MYOZ1: variants seen among roughly 807,000 people sequenced by gnomAD.
MYOZ1 encodes the protein myozenin 1, also known as myozenin-1.
Under a neutral mutation model 28.7 loss-of-function variants are expected in MYOZ1, and 20 were observed. The observed-to-expected ratio is 0.70, with a 90% CI of 0.49 to 1.01. The LOEUF (loss-of-function observed/expected upper bound fraction) is 1.01, where lower values mean the gene tolerates loss of function less well. Ranked by LOEUF, MYOZ1 falls within the 50% of genes least tolerant of loss-of-function variation. The pLI is 0.00. For synonymous variants in MYOZ1, 144 were observed against 145.8 expected (o/e 0.99, Z 0.09); for missense variants, 371 against 372.4 (o/e 1.00, Z 0.03).
Position 73,640,013 on chromosome 10 carries a change from G to T in MYOZ1, c.5C>A (p.Pro2Gln). Residue 2 changes from proline to glutamine, a missense_variant, in exon 2 of 6, where the codon CCG becomes CAG. By Grantham distance (76) the Pro-to-Gln change is moderately conservative. Transcript: ENST00000359322. M[P>Q]LSGTPAPNKK... Reference sequence around the variant, plus strand: ...ATTAGGGGCCGGGGTTCCTGAGAGCGGCATTGTGGAGGTGGATTCAGCCTG... The same window carrying T: ...ATTAGGGGCCGGGGTTCCTGAGAGCTGCATTGTGGAGGTGGATTCAGCCTG... 1.2e-6 allele frequency: 2 copies of T among 1,613,940 alleles called. No individual in the cohort carries two copies. Among genetic ancestry groups the T allele is most frequent in the Non-Finnish European group, 1.7e-6 (2 of 1,179,944 alleles).
intron 2 of MYOZ1, among the ~76,000 whole-genome samples, chr10:73,638,546 C>G (rs2081682598): frequency 6.6e-6 from 1 of 151,800 alleles, no homozygotes; most frequent in African/African-American, 2.4e-5. Flanking sequence ...GTTGGCCAGG[C>G]TGGTCGCAAA....
intron 2 of MYOZ1, among the ~76,000 whole-genome samples, chr10:73,639,066 C>T (rs1365662263): frequency 1.3e-5 from 2 of 151,010 alleles, no homozygotes. Flanking sequence ...CTCAGCCTCC[C>T]AAAGTGCTGC....
Position 73,637,932 on chromosome 10 carries a change from A to G in MYOZ1, c.74-10T>C, listed in dbSNP as rs925981605. ...GAGCTCTCCTGTCCACCTTTCAGGG[A>G]GGCAAAGAAGAAGAATCAAGGGAAA... On this transcript the variant is annotated splice_polypyrimidine_tract_variant and intron_variant, in intron 2 of 5. Coordinates refer to ENST00000359322, the MANE Select transcript of MYOZ1 (RefSeq NM_021245.4). 1.5e-5 allele frequency: 24 copies of G among 1,598,354 alleles called. No individual in the cohort carries two copies. Among genetic ancestry groups the G allele is most frequent in the Non-Finnish European group, 1.9e-5 (22 of 1,174,012 alleles).
chr10:73,634,699 C>A lies in MYOZ1; in HGVS notation c.287G>T (p.Gly96Val). The A allele has an allele frequency of 6.2e-7, 1 of 1,613,942 alleles. No individual in the cohort carries two copies. Among genetic ancestry groups the A allele is most frequent in the Non-Finnish European group, 8.5e-7 (1 of 1,179,880 alleles). Residue 96 changes from glycine (G) to valine (V), a missense_variant, in exon 4 of 6, where the codon GGA (glycine) becomes GTA (valine). Coordinates refer to ENST00000359322, the MANE Select transcript of MYOZ1 (RefSeq NM_021245.4). ...TCCCTGACCAGCTGTGCCCAGCTGT[C>A]CCCCCACTGTTGGAAGGAACTTCTG... ...HFQKFLPTVGGQLGTAGQGFS... is the reference protein window; with the variant it reads ...HFQKFLPTVGVQLGTAGQGFS...
At chr10:73,640,149 AT>A (rs1554958314) in intron 1 of MYOZ1, 114 bp from the exon 2 acceptor site, 58 of 803,046 alleles carry the variant, frequency 7.2e-5, no homozygotes, top group Middle Eastern at 4.0e-4. Flanking sequence ...GGACAAAAAA[AT>A]TTTTTTTTCT....
chr10:73,633,466 C>A (rs2081647954), intron 5 of MYOZ1, among the ~76,000 whole-genome samples: 1 of 152,158 alleles, frequency 6.6e-6, no homozygotes, highest in South Asian at 2.1e-4. Context: ...CGGTGGCTCA[C>A]CCCTGTAATC....
intron 5 of MYOZ1, among the ~76,000 whole-genome samples, 169 bp downstream of exon 5, chr10:73,633,712 TTTCCTTCATCACACTGCTA>T (rs1228837234): frequency 6.6e-6 from 1 of 152,210 alleles, no homozygotes; most frequent in African/African-American, 2.4e-5. Context: ...CAGCAAATTT[TTTCCTTCATCACACTGCTA>T]TGATGAAGCT....
At chr10:73,632,275 G>T in intron 5 of MYOZ1, 114 bp from the exon 6 acceptor site, 1 of 922,698 alleles carries the variant, frequency 1.1e-6, no homozygotes, top group African/African-American at 1.7e-5. Context: ...GTTTGGGATT[G>T]CATCTGTACT....
chr10:73,634,820 A>G, intron 3 of MYOZ1, 87 bp from the exon 4 acceptor site: 2 of 1,504,630 alleles, frequency 1.3e-6, no homozygotes, highest in Non-Finnish European at 1.8e-6. Context: ...AGGCAGAAAT[A>G]GTGGCTAACC....
chr10:73,633,067 C>T (rs144686295), intron 5 of MYOZ1, among the ~76,000 whole-genome samples: 5,062 of 152,100 alleles, frequency 0.033, 264 homozygotes, highest in African/African-American at 0.11. Context: ...GAGCCCGAGG[C>T]GGGCAGATCA....
intron 3 of MYOZ1, among the ~76,000 whole-genome samples, chr10:73,636,640 GA>G (rs1431921083): frequency 6.6e-6 from 1 of 151,808 alleles, no homozygotes; most frequent in East Asian, 1.9e-4. Flanking sequence ...ATTTTTTGTA[GA>G]AACAGAGTCT....
rs776718309 is a variant in MYOZ1 at position 73,633,892 on chromosome 10, A to G, written c.668+8T>C. ...GAATGCATCTGGTTCCTTCCTCACC[A>G]CCCCTACCTGTTGAAGGACTTATAT... On this transcript the variant is annotated splice_region_variant and intron_variant, in intron 5 of 5. Coordinates refer to ENST00000359322, the MANE Select transcript of MYOZ1 (RefSeq NM_021245.4). 6.3e-7 allele frequency: 1 copy of G among 1,598,132 alleles called. No individual in the cohort carries two copies. Among genetic ancestry groups the G allele is most frequent in the Non-Finnish European group, 8.5e-7 (1 of 1,172,092 alleles).
chr10:73,638,897 C>G (rs1392612125), intron 2 of MYOZ1, among the ~76,000 whole-genome samples: 1 of 150,370 alleles, frequency 6.7e-6, no homozygotes, highest in African/African-American at 2.4e-5. Flanking sequence ...AACTTCTGAC[C>G]TCAGATGATT....
rs923634213 is a variant in MYOZ1, at chr10:73,631,993, C to T, written c.837G>A (p.Gly279=). The change falls in exon 6 of 6, where the codon GGG becomes GGA. Residue 279 remains glycine, a synonymous_variant. Coordinates refer to ENST00000359322, the MANE Select transcript of MYOZ1 (RefSeq NM_021245.4). The stretch of plus-strand genomic sequence containing the variant: ...TATCCACGTTGTAGTCTACAGGCTC[C>T]CCAGAGCTCAGCCAGGGAATAGGGG... ...NRTPIPWLSS[G]EPVDYNVDIG... is the part of the protein sequence containing the mutation. 2 of 1,614,038 alleles carry T rather than the reference C, an allele frequency of 1.2e-6. No individual in the cohort carries two copies. Among genetic ancestry groups the T allele is most frequent in the African/African-American group, 1.3e-5 (1 of 75,012 alleles).
intron 4 of MYOZ1, 48 bp downstream of exon 4, chr10:73,634,436 A>G (rs1589445496): frequency 6.2e-7 from 1 of 1,603,840 alleles, no homozygotes; most frequent in Non-Finnish European, 8.5e-7. Flanking sequence ...TCCTGGGACA[A>G]CTCTGCTCTA....
At chr10:73,633,336 G>A (rs2081647328) in intron 5 of MYOZ1, among the ~76,000 whole-genome samples, 1 of 152,018 alleles carries the variant, frequency 6.6e-6, no homozygotes, top group Admixed American at 6.6e-5. Context: ...AAAGTATAAG[G>A]AAATAGAATC....
rs145180894 is a variant in MYOZ1, at chr10:73,634,499, C to T, written c.487G>A (p.Gly163Ser). 5.0e-6 allele frequency: 8 copies of T among 1,614,068 alleles called. No individual in the cohort carries two copies. The East Asian group carries it at 1.6e-4, about 31-fold the overall frequency. Reference sequence around the variant, plus strand: ...GTGTACTTGCCTGATCCTGTCTCACCAACCCCTGCTGTGCCAGCAGCTCCT... The same window carrying T: ...GTGTACTTGCCTGATCCTGTCTCACTAACCCCTGCTGTGCCAGCAGCTCCT... ...RGGAAGTAGV[G>S]ETGSGDQAGG... Residue 163 changes from glycine (G) to serine (S), a missense_variant, in exon 4 of 6, where the codon GGT (glycine) becomes AGT (serine). Gly to Ser is a moderately conservative substitution (Grantham distance 56). Coordinates refer to ENST00000359322, the MANE Select transcript of MYOZ1 (RefSeq NM_021245.4).
At position 73,631,954 on chromosome 10, in the gene MYOZ1, C is replaced by T. The variant is rs2081637311; in HGVS notation, c.876G>A (p.Leu292=). 6.2e-7 allele frequency: 1 copy of T among 1,613,944 alleles called. No homozygotes were observed. Among genetic ancestry groups the T allele is most frequent in the East Asian group, 2.2e-5 (1 of 44,880 alleles). The part of the protein sequence containing the change: ...VDYNVDIGIP[L]DGETEEL ...CTCACAGCTCCTCTGTTTCTCCATCCAAGGGGATGCCAATATCCACGTTGT... is the reference window on the plus strand; with the variant it reads ...CTCACAGCTCCTCTGTTTCTCCATCTAAGGGGATGCCAATATCCACGTTGT... The change falls in exon 6 of 6, where the codon TTG becomes TTA. Residue 292 remains leucine (L), a synonymous_variant. Coordinates refer to ENST00000359322, the MANE Select transcript of MYOZ1 (RefSeq NM_021245.4).
Position 73,632,087 on chromosome 10 carries a change from C to A in MYOZ1, c.743G>T (p.Gly248Val). Residue 248 changes from glycine to valine, a missense_variant, in exon 6 of 6, where the codon GGG becomes GTG. By Grantham distance (109) the Gly-to-Val change is moderately radical (BLOSUM62 -3). Transcript: ENST00000359322. ...GACCAGGGGTTCACTCAGCAAGGGC[C>A]CCAGGTCAAACTTGGGCATCTGGAA... ...MTFQMPKFDL[G>V]PLLSEPLVLY... 6.2e-7 allele frequency: 1 copy of A among 1,614,074 alleles called. No individual in the cohort carries two copies. Among genetic ancestry groups the A allele is most frequent in the Non-Finnish European group, 8.5e-7 (1 of 1,180,006 alleles).
Sources: allele counts gnomAD v4.1 joint callset (sites outside exome capture counted in the v4.1 genomes callset), GRCh38; gene constraint gnomAD v4.1.1; transcripts MANE v1.5; gene names NCBI Gene and HGNC (gene_info 2026-07-23, HGNC 2026-07-21).